WDR7: variants seen among roughly 807,000 people sequenced by gnomAD.
WDR7 encodes WD repeat-containing protein 7.
In WDR7, 46 loss-of-function variants were observed where a neutral mutation model predicts 169.4. The observed-to-expected ratio is 0.27, with a 90% CI of 0.21 to 0.35. The LOEUF is 0.35. WDR7 is among the 10% of genes least tolerant of loss of function. WDR7 has a pLI of 1.00. For missense variants in WDR7, 1,534 were observed against 1,859.3 expected (o/e 0.83, Z 3.22); for synonymous variants, 612 against 666.8 (o/e 0.92, Z 1.27).
At chr18:56,693,353 G>A (rs1484900444) in intron 9 of WDR7, among the ~76,000 whole-genome samples, 1 of 151,990 alleles carries the variant, frequency 6.6e-6, no homozygotes. Flanking sequence ...TTCATTGAAG[G>A]CACAAAATCT....
At chr18:56,787,004 T>C (rs117987826) in intron 19 of WDR7, among the ~76,000 whole-genome samples, 1,937 of 152,214 alleles carry the variant, frequency 0.013, 17 homozygotes, top group East Asian at 0.031. Context: ...ATTTTTGCAT[T>C]ATAATTCAGA....
Position 56,935,867 on chromosome 18 carries a change from G to A in WDR7, c.3793G>A (p.Ala1265Thr), listed in dbSNP as rs750574514. ...ARHALSLIAT[A>T]RPPAFITTIA... ...GCATGCCCTCTCGCTCATTGCCACCGCCAGACCACCCGCCTTCATCACCAC... is the reference window on the plus strand; with the variant it reads ...GCATGCCCTCTCGCTCATTGCCACCACCAGACCACCCGCCTTCATCACCAC... Residue 1265 changes from alanine to threonine, a missense_variant, in exon 23 of 28, where the codon GCC (alanine) becomes ACC (threonine). Transcript: ENST00000254442. The A allele has an allele frequency of 1.4e-5, 23 of 1,613,980 alleles. No individual in the cohort carries two copies. The highest frequency in any genetic ancestry group is 1.9e-5 in the Non-Finnish European group (22 of 1,179,982).
At chr18:56,880,484 G>A (rs1378584141) in intron 21 of WDR7, among the ~76,000 whole-genome samples, 1 of 152,154 alleles carries the variant, frequency 6.6e-6, no homozygotes, top group Non-Finnish European at 1.5e-5. Context: ...ATAATTTCTG[G>A]AAAACTATGC....
intron 19 of WDR7, among the ~76,000 whole-genome samples, chr18:56,804,912 C>T (rs1433044559): frequency 2.0e-5 from 3 of 152,134 alleles, no homozygotes; most frequent in East Asian, 3.8e-4. Flanking sequence ...ACTTTCGTAG[C>T]GTCAAATTTC....
intron 20 of WDR7, among the ~76,000 whole-genome samples, chr18:56,818,065 T>C (rs2145224125): frequency 6.6e-6 from 1 of 152,288 alleles, no homozygotes; most frequent in East Asian, 1.9e-4. Context: ...TTTAAGCCAG[T>C]CCGTGTTTGT....
chr18:56,668,897 TG>T (rs1213717436), intron 1 of WDR7, among the ~76,000 whole-genome samples: 2 of 27,378 alleles, frequency 7.3e-5, no homozygotes, highest in Non-Finnish European at 2.4e-4. Context: ...GCAAAATCTG[TG>T]TTTTTTTTTT....
intron 21 of WDR7, among the ~76,000 whole-genome samples, chr18:56,883,413 ACTTTT>A (rs1249822179): frequency 7.9e-5 from 12 of 151,210 alleles, no homozygotes; most frequent in African/African-American, 2.9e-4. Flanking sequence ...CTTCTATATG[ACTTTT>A]CTTTTAACTG....
intron 20 of WDR7, among the ~76,000 whole-genome samples, chr18:56,848,693 C>T (rs537679302): frequency 2.7e-4 from 41 of 152,042 alleles, no homozygotes; most frequent in Non-Finnish European, 2.9e-4. Context: ...GCTCTGAGTT[C>T]ATGTGAGAGC....
intron 21 of WDR7, among the ~76,000 whole-genome samples, chr18:56,918,329 G>C (rs1038366290): frequency 1.6e-4 from 24 of 152,116 alleles, no homozygotes; most frequent in African/African-American, 5.3e-4. Context: ...TCAATAAAGA[G>C]TCAGTGACTA....
chr18:56,754,203 T>C (rs866724213), intron 14 of WDR7, among the ~76,000 whole-genome samples: 1 of 150,236 alleles, frequency 6.7e-6, no homozygotes, highest in Non-Finnish European at 1.5e-5. Context: ...AGAGGTGAAA[T>C]TGGAAGGGTA....
At chr18:56,657,918 A>C (rs188822198) in intron 1 of WDR7, among the ~76,000 whole-genome samples, 1 of 152,242 alleles carries the variant, frequency 6.6e-6, no homozygotes, top group East Asian at 1.9e-4. Context: ...GGTGACGTTT[A>C]ATGAAATTAC....
At chr18:56,898,041 C>T (rs1418296950) in intron 21 of WDR7, among the ~76,000 whole-genome samples, 1 of 151,836 alleles carries the variant, frequency 6.6e-6, no homozygotes, top group Non-Finnish European at 1.5e-5. Flanking sequence ...GGAACTAGGA[C>T]TCCTTGGAGA....
chr18:56,878,359 T>G (rs546408744), intron 20 of WDR7, among the ~76,000 whole-genome samples: 1 of 152,320 alleles, frequency 6.6e-6, no homozygotes, highest in South Asian at 2.1e-4. Context: ...CCCATCCCTC[T>G]TATTGCCTGG....
intron 21 of WDR7, among the ~76,000 whole-genome samples, chr18:56,902,185 T>C (rs1220800830): frequency 6.6e-6 from 1 of 152,146 alleles, no homozygotes; most frequent in Non-Finnish European, 1.5e-5. Context: ...AGAGAAGAGT[T>C]CTGGGCAATA....
chr18:56,745,613 T>TG (rs1466325778), intron 14 of WDR7, among the ~76,000 whole-genome samples: 1 of 152,154 alleles, frequency 6.6e-6, no homozygotes, highest in African/African-American at 2.4e-5. Flanking sequence ...AATGCTCACT[T>TG]GCCCGCCGCT....
intron 21 of WDR7, among the ~76,000 whole-genome samples, chr18:56,883,860 A>C (rs1214009432): frequency 6.6e-6 from 1 of 152,146 alleles, no homozygotes; most frequent in Non-Finnish European, 1.5e-5. Context: ...TTTATGGCTG[A>C]GTAGTACTCC....
chr18:57,027,511 T>A lies in WDR7; in HGVS notation c.*304T>A. On this transcript the variant is annotated 3_prime_UTR_variant, in exon 28 of 28. Coordinates refer to ENST00000254442, the MANE Select transcript of WDR7 (RefSeq NM_015285.3). ...TCCTGGGAACGCTCTTGTTGCTTGGTGCAACAGAAGCACAAAAATCAATAA... is the reference window on the plus strand; with the variant it reads ...TCCTGGGAACGCTCTTGTTGCTTGGAGCAACAGAAGCACAAAAATCAATAA... 4.8e-6 allele frequency: 2 copies of A among 420,526 alleles called. No individual in the cohort carries two copies. Among genetic ancestry groups the A allele is most frequent in the Non-Finnish European group, 8.7e-6 (2 of 230,964 alleles). The allele number at this position is 420,526 out of a possible 1,614,324, so 26.0% of individuals were successfully genotyped here.
At chr18:56,668,450 A>T (rs1325185851) in intron 1 of WDR7, among the ~76,000 whole-genome samples, 1 of 152,158 alleles carries the variant, frequency 6.6e-6, no homozygotes, top group African/African-American at 2.4e-5. Context: ...GTGTTTCCAT[A>T]TGTCTTGAGA....
intron 5 of WDR7, among the ~76,000 whole-genome samples, chr18:56,684,755 C>T (rs548714875): frequency 1.3e-5 from 2 of 152,254 alleles, no homozygotes; most frequent in South Asian, 4.1e-4. Flanking sequence ...GGTGGGATCT[C>T]TGGTTAAATA....
Sources: gnomAD v4.1 joint callset for allele counts (sites outside exome capture counted in the v4.1 genomes callset) on GRCh38, gnomAD v4.1.1 for gene constraint, MANE v1.5 for transcripts, NCBI Gene and HGNC (gene_info 2026-07-23, HGNC 2026-07-21) for gene names.